The following TMEM62 variants were observed in gnomAD, a reference collection of about 807,000 sequenced individuals.
TMEM62 encodes transmembrane protein 62.
A neutral mutation model predicts 70.4 loss-of-function variants in TMEM62; 41 were observed. The ratio of observed to expected loss-of-function variants is 0.58; its 90% CI spans 0.45 to 0.76. The LOEUF (loss-of-function observed/expected upper bound fraction) is 0.76. TMEM62 is among the 30% of genes least tolerant of loss of function. TMEM62 has a pLI of 0.00. For synonymous variants in TMEM62, 268 were observed against 291.0 expected, an observed-to-expected ratio of 0.92 and a Z score of 0.80; for missense variants, 688 against 788.5, an observed-to-expected ratio of 0.87 and a Z score of 1.53.
At chr15:43,140,079 TTTG>T (rs896854909) in intron 4 of TMEM62, among the ~76,000 whole-genome samples, 1 of 152,136 alleles carries the variant, frequency 6.6e-6, no homozygotes, top group Non-Finnish European at 1.5e-5. Context: ...CTGATTTTTT[TTTG>T]TTGTTGTTGA....
At position 43,184,558 on chromosome 15, in the gene TMEM62, T is replaced by A; in HGVS notation, c.1904T>A (p.Val635Glu). 1 of 1,611,518 alleles carries A rather than the reference T, an allele frequency of 6.2e-7. No individual in the cohort carries two copies. The highest frequency in any genetic ancestry group is 8.5e-7 in the Non-Finnish European group (1 of 1,180,014). Residue 635 changes from valine (V) to glutamate (E), a missense_variant, in exon 14 of 14, where the codon GTG becomes GAG. By Grantham distance (121) the Val-to-Glu change is moderately radical. Coordinates refer to ENST00000260403, the MANE Select transcript of TMEM62 (RefSeq NM_024956.4). ...LNSTKFGIFMVQLKSHLSS is the reference protein window; with the variant it reads ...LNSTKFGIFMEQLKSHLSS ...TCCACCAAGTTTGGAATCTTCATGGTGCAGTTAAAAAGCCACCTGAGCTCC... is the reference window on the plus strand; with the variant it reads ...TCCACCAAGTTTGGAATCTTCATGGAGCAGTTAAAAAGCCACCTGAGCTCC...
At chr15:43,138,671 A>C in intron 4 of TMEM62, 52 bp downstream of exon 4, 1 of 1,407,052 alleles carries the variant, frequency 7.1e-7, no homozygotes, top group South Asian at 1.2e-5. Context: ...TGTTATAAGG[A>C]GGGTGTGGTC....
intron 12 of TMEM62, 139 bp downstream of exon 12, chr15:43,178,850 A>G (rs2041055561): frequency 1.9e-6 from 1 of 528,660 alleles, no homozygotes; most frequent in Non-Finnish European, 3.2e-6. Flanking sequence ...TGGTTTTGGA[A>G]AATAAAGCTC....
At chr15:43,153,815 A>G (rs956996991) in intron 8 of TMEM62, among the ~76,000 whole-genome samples, 1 of 152,206 alleles carries the variant, frequency 6.6e-6, no homozygotes, top group African/African-American at 2.4e-5. Flanking sequence ...GTGTACAGAT[A>G]ACGGTTCAAG....
At chr15:43,175,938 G>A (rs367872663) in intron 11 of TMEM62, among the ~76,000 whole-genome samples, 1 of 152,220 alleles carries the variant, frequency 6.6e-6, no homozygotes, top group Non-Finnish European at 1.5e-5. Flanking sequence ...GTCAAAGAAA[G>A]GGGTAACAGA....
intron 5 of TMEM62, 29 bp from the exon 6 acceptor site, chr15:43,148,726 A>C (rs758395721): frequency 6.2e-7 from 1 of 1,606,900 alleles, no homozygotes; most frequent in Non-Finnish European, 8.5e-7. Flanking sequence ...GCCCTAATTT[A>C]AGATCCTTCC....
At chr15:43,143,550 T>C (rs1443602266) in intron 4 of TMEM62, among the ~76,000 whole-genome samples, 3 of 152,234 alleles carry the variant, frequency 2.0e-5, no homozygotes, top group Non-Finnish European at 4.4e-5. Context: ...AAGTCATTGA[T>C]ACATAGGAAA....
chr15:43,173,096 C>T (rs1470112123), intron 11 of TMEM62, among the ~76,000 whole-genome samples: 1 of 152,120 alleles, frequency 6.6e-6, no homozygotes, highest in Non-Finnish European at 1.5e-5. Context: ...GGTGTGGTGG[C>T]ATGCACCTGT....
Position 43,138,424 on chromosome 15 carries a change from G to C in TMEM62, c.431-150G>C, listed in dbSNP as rs1250558624. ...CCCTCTCCTAGTCCTCCCACTGTTT[G>C]CTGAATAATAAATGGAACGGCTCTA... On this transcript the variant is annotated intron_variant, in intron 3 of 13. Transcript: ENST00000260403. 2.2e-5 allele frequency: 14 copies of C among 642,004 alleles called. No individual in the cohort carries two copies. In the Admixed American group the frequency reaches 4.1e-4, roughly 19 times the overall value. The allele number at this position is 642,004 out of a possible 1,614,324, so 39.8% of individuals were successfully genotyped here. A position where few individuals can be genotyped will look rare whatever the true frequency, so the allele number is the denominator to read the frequency against.
intron 1 of TMEM62, 82 bp downstream of exon 1, chr15:43,134,064 C>A: frequency 2.1e-6 from 3 of 1,435,580 alleles, no homozygotes; most frequent in Non-Finnish European, 1.8e-6. Flanking sequence ...TTGGGCCCCA[C>A]GCTCCAGGCT....
chr15:43,167,109 C>T (rs1416628632), intron 10 of TMEM62, among the ~76,000 whole-genome samples: 5 of 151,748 alleles, frequency 3.3e-5, no homozygotes, highest in South Asian at 2.1e-4. Flanking sequence ...CCAGTAGGGG[C>T]GGCTGGGCAG....
chr15:43,169,537 C>A, intron 10 of TMEM62, 56 bp from the exon 11 acceptor site: 1 of 1,457,740 alleles, frequency 6.9e-7, no homozygotes, highest in Non-Finnish European at 9.5e-7. Context: ...CTTTAAAAAT[C>A]TTAACTGAAA....
intron 4 of TMEM62, among the ~76,000 whole-genome samples, chr15:43,143,429 G>A (rs1488133880): frequency 1.3e-5 from 2 of 152,158 alleles, no homozygotes; most frequent in Non-Finnish European, 2.9e-5. Flanking sequence ...TGCAATATTT[G>A]CTTTATTGTG....
At chr15:43,148,946 T>G in intron 6 of TMEM62, 67 bp downstream of exon 6, 1 of 1,603,366 alleles carries the variant, frequency 6.2e-7, no homozygotes, top group Non-Finnish European at 8.5e-7. Context: ...TTACCTATTC[T>G]GCTTTTCTGG....
In TMEM62 at chr15:43,146,518, G is replaced by T. The variant is rs774975402; in HGVS notation, c.502G>T (p.Gly168Cys). 1 of 1,613,036 alleles carries T rather than the reference G, an allele frequency of 6.2e-7. No individual in the cohort carries two copies. The highest frequency in any genetic ancestry group is 8.5e-7 in the Non-Finnish European group (1 of 1,179,540). Residue 168 changes from glycine to cysteine, a missense_variant, in exon 5 of 14, where the codon GGC (glycine) becomes TGC (cysteine). Transcript: ENST00000260403. The stretch of plus-strand genomic sequence containing the variant: ...GAAATATTCTGCTGTACGTAGAGAT[G>T]GCTCTTTCCATTATGTCCACAGTAC... ...YRKYSAVRRD[G>C]SFHYVHSTPF...
chr15:43,133,921 C>A lies in TMEM62; in HGVS notation c.119C>A (p.Pro40His). 6.7e-7 allele frequency: 1 copy of A among 1,490,470 alleles called. No homozygotes were observed. The highest frequency in any genetic ancestry group is 8.9e-7 in the Non-Finnish European group (1 of 1,127,734). 92.3% of individuals were successfully genotyped at this position (1,490,470 alleles called of 1,614,324 possible). A position where few individuals can be genotyped will look rare whatever the true frequency, so the allele number is the denominator to read the frequency against. Residue 40 changes from proline (P) to histidine (H), a missense_variant, in exon 1 of 14, where the codon CCC becomes CAC. Transcript: ENST00000260403. Reference sequence around the variant, plus strand: ...CCCTCGCCGCTGCCGCGCCCCGCGCCCCCCAGGAGGCCGCACCCTGCGCCA... The same window carrying A: ...CCCTCGCCGCTGCCGCGCCCCGCGCACCCCAGGAGGCCGCACCCTGCGCCA... ...GQPSPLPRPA[P>H]PRRPHPAPGP... is the part of the protein sequence containing the mutation.
rs970665601 is a variant in TMEM62, at chr15:43,155,474, T to A, written c.1182+643T>A. 2.0e-5 allele frequency among the ~76,000 whole-genome samples: 3 copies of A among 152,060 alleles called. No homozygotes were observed. In the South Asian group the frequency reaches 6.2e-4, roughly 31 times the overall value. The stretch of plus-strand genomic sequence containing the variant: ...TTGTGCCAGTGCACTCTAGCCTGAG[T>A]AACAAAGCGAGACCCTATCTCAAAA... On this transcript the variant is annotated intron_variant, in intron 9 of 13. Coordinates refer to ENST00000260403, the MANE Select transcript of TMEM62 (RefSeq NM_024956.4).
At chr15:43,138,115 A>G (rs893694615) in intron 3 of TMEM62, among the ~76,000 whole-genome samples, 33 of 152,140 alleles carry the variant, frequency 2.2e-4, no homozygotes, top group African/African-American at 7.5e-4. Flanking sequence ...TCCTGGAATC[A>G]AGATTCCAGG....
In TMEM62 at chr15:43,184,477, G is replaced by C; in HGVS notation, c.1823G>C (p.Arg608Pro). 6.2e-7 allele frequency: 1 copy of C among 1,614,022 alleles called. No individual in the cohort carries two copies. The highest frequency in any genetic ancestry group is 8.5e-7 in the Non-Finnish European group (1 of 1,180,014). ...GTLAFLFSPL[R>P]TWLTLLTPVL... ...CTAGCTTTTTTATTCTCCCCTTTGC[G>C]GACCTGGTTGACACTGCTGACACCT... Residue 608 changes from arginine (R) to proline (P), a missense_variant, in exon 14 of 14, where the codon CGG becomes CCG. Physicochemically the swap from Arg to Pro is moderately radical, Grantham distance 103. Transcript: ENST00000260403.
Sources: gnomAD v4.1 joint callset for allele counts (sites outside exome capture counted in the v4.1 genomes callset) on GRCh38, gnomAD v4.1.1 for gene constraint, MANE v1.5 for transcripts, NCBI Gene and HGNC (gene_info 2026-07-23, HGNC 2026-07-21) for gene names.